The following SEC61A1 variants were observed in gnomAD, a reference collection of about 807,000 sequenced individuals.
SEC61A1 encodes SEC61 translocon subunit alpha 1.
A neutral mutation model predicts 55.2 loss-of-function variants in SEC61A1; 15 were observed. The ratio of observed to expected loss-of-function variants is 0.27; its 90% CI spans 0.18 to 0.42. SEC61A1 has a LOEUF of 0.42. SEC61A1 is among the 10% of genes least tolerant of loss of function. The probability of loss-of-function intolerance (pLI) is 1.00; values close to 1 mark genes in which losing one functional copy is unlikely to be tolerated. For synonymous variants in SEC61A1, 247 were observed against 234.0 expected (o/e 1.06, Z -0.51); for missense variants, 284 against 602.6 (o/e 0.47, Z 5.53).
chr3:128,062,956 A>G (rs1219917150), intron 7 of SEC61A1, among the ~76,000 whole-genome samples: 1 of 152,102 alleles, frequency 6.6e-6, no homozygotes, highest in African/African-American at 2.4e-5. Context: ...GATTTGGGCC[A>G]CCTCTCTAGG....
rs781583803 is a variant in SEC61A1, at chr3:128,056,728, G to A, written c.240G>A (p.Gly80=). ...CTCAAGGCACATTGATGGAGCTAGG[G>A]ATCTCTCCTATTGTCACGTCTGGCC... is the stretch of plus-strand genomic sequence containing the variant. The part of the protein sequence containing the change: ...ASNRGTLMEL[G]ISPIVTSGLI... Residue 80 remains glycine (G), a synonymous_variant, in exon 5 of 12, where the codon GGG becomes GGA. Transcript: ENST00000243253. 6.3e-7 allele frequency: 1 copy of A among 1,596,544 alleles called. No individual in the cohort carries two copies. Among genetic ancestry groups the A allele is most frequent in the Non-Finnish European group, 8.5e-7 (1 of 1,172,230 alleles).
chr3:128,064,956 G>A lies in SEC61A1; in HGVS notation c.696G>A (p.Glu232=), dbSNP rs377189874. 3 of 1,614,100 alleles carry A rather than the reference G, an allele frequency of 1.9e-6. No individual in the cohort carries two copies. The highest frequency in any genetic ancestry group is 2.2e-5 in the South Asian group (2 of 91,090). ...TRTDKVRALR[E]AFYRQNLPNL... ...CAGACAAGGTCCGAGCCCTTCGGGA[G>A]GCGTTCTACCGCCAGAATCTTCCCA... The change falls in exon 8 of 12, where the codon GAG becomes GAA. Residue 232 remains glutamate, a synonymous_variant. Coordinates refer to ENST00000243253, the MANE Select transcript of SEC61A1 (RefSeq NM_013336.4).
intron 8 of SEC61A1, chr3:128,065,373 T>G (rs191537712): frequency 1.8e-6 from 1 of 567,964 alleles, no homozygotes; most frequent in African/African-American, 1.9e-5. Context: ...TGCTCTCTTA[T>G]AGAAAGTTTG....
chr3:128,057,371 A>AGAGT lies in SEC61A1; in HGVS notation c.352+533_352+536dup, dbSNP rs1941787994. 3.9e-5 allele frequency among the ~76,000 whole-genome samples: 6 copies of AGAGT among 152,246 alleles called. No homozygotes were observed. The South Asian group carries it at 1.2e-3, about 32-fold the overall frequency. ...GGGGATGGGCTGGGCAAGGCAGGGG[A>AGAGT]GAGTGTCTGGAGTGCCCCTGAGGCC... On this transcript the variant is annotated intron_variant, in intron 5 of 11. Transcript: ENST00000243253.
At chr3:128,059,778 G>A (rs1470187494) in intron 5 of SEC61A1, among the ~76,000 whole-genome samples, 2 of 152,108 alleles carry the variant, frequency 1.3e-5, no homozygotes, top group African/African-American at 4.8e-5. Context: ...ATGCTGTCAG[G>A]AGTAGGTTCT....
intron 5 of SEC61A1, among the ~76,000 whole-genome samples, chr3:128,057,592 C>T (rs1941790330): frequency 9.2e-5 from 1 of 10,824 alleles, no homozygotes; most frequent in Non-Finnish European, 1.6e-4. Context: ...GGCGGTGGCT[C>T]ACGCCTGTAA....
chr3:128,068,291 G>T (rs1942044245), intron 11 of SEC61A1, among the ~76,000 whole-genome samples: 1 of 152,252 alleles, frequency 6.6e-6, no homozygotes, highest in Non-Finnish European at 1.5e-5. Context: ...TGGGTAAGGA[G>T]ATGGAAGCAT....
At position 128,066,971 on chromosome 3, in the gene SEC61A1, G is replaced by A; in HGVS notation, c.795G>A (p.Leu265=). Residue 265 remains leucine, a synonymous_variant, in exon 9 of 12, where the codon CTG becomes CTA. Coordinates refer to ENST00000243253, the MANE Select transcript of SEC61A1 (RefSeq NM_013336.4). ...VIYFQGFRVD[L]PIKSARYRGQ... The stretch of plus-strand genomic sequence containing the variant: ...CTTCTCAGGGCTTCCGAGTGGACCT[G>A]CCAATCAAGTCGGCCCGCTACCGTG... 1 of 1,614,176 alleles carries A rather than the reference G, an allele frequency of 6.2e-7. No homozygotes were observed. Among genetic ancestry groups the A allele is most frequent in the Non-Finnish European group, 8.5e-7 (1 of 1,180,034 alleles).
At chr3:128,052,727 T>TC in intron 1 of SEC61A1, 108 bp from the exon 2 acceptor site, 3 of 1,483,860 alleles carry the variant, frequency 2.0e-6, no homozygotes, top group Non-Finnish European at 1.9e-6. Flanking sequence ...TGCGGCCGGC[T>TC]CCCCTGGCCC....
chr3:128,055,866 G>A, intron 4 of SEC61A1, 115 bp downstream of exon 4: 1 of 841,434 alleles, frequency 1.2e-6, no homozygotes, highest in Non-Finnish European at 2.0e-6. Context: ...GGAAAATAGA[G>A]TGAAGAATGT....
rs1411129792 is a variant in SEC61A1 at position 128,070,471 on chromosome 3, C to G, written c.*809C>G. On this transcript the variant is annotated 3_prime_UTR_variant, in exon 12 of 12. Coordinates refer to ENST00000243253, the MANE Select transcript of SEC61A1 (RefSeq NM_013336.4). The stretch of plus-strand genomic sequence containing the variant: ...TTTGTCCAGATTCTGCCAGTCATCA[C>G]TGGACACGTCTCCTCGCAGCTGCCC... 1 of 152,248 alleles carries G rather than the reference C, an allele frequency of 6.6e-6. No individual in the cohort carries two copies. Among genetic ancestry groups the G allele is most frequent in the East Asian group, 1.9e-4 (1 of 5,198 alleles). The allele number at this position is 152,248 out of a possible 1,614,324, so 9.4% of individuals were successfully genotyped here.
intron 2 of SEC61A1, among the ~76,000 whole-genome samples, chr3:128,054,260 A>T (rs1941736782): frequency 6.6e-6 from 1 of 152,222 alleles, no homozygotes; most frequent in African/African-American, 2.4e-5. Flanking sequence ...TTTTGATGTT[A>T]AATTTGATTG....
chr3:128,060,712 G>T, intron 7 of SEC61A1, 51 bp downstream of exon 7: 1 of 1,569,068 alleles, frequency 6.4e-7, no homozygotes, highest in South Asian at 1.2e-5. Context: ...AAAAACAATT[G>T]AGCAATGCAA....
At chr3:128,053,328 T>G (rs1280974318) in intron 2 of SEC61A1, among the ~76,000 whole-genome samples, 1 of 152,218 alleles carries the variant, frequency 6.6e-6, no homozygotes, top group Admixed American at 6.5e-5. Context: ...GTCACTTTAG[T>G]ATTTACAAAT....
intron 6 of SEC61A1, 82 bp downstream of exon 6, chr3:128,060,293 T>TA: frequency 1.7e-6 from 2 of 1,146,118 alleles, no homozygotes; most frequent in South Asian, 2.6e-5. Flanking sequence ...CAAGCACACC[T>TA]AAAAGGAACT....
chr3:128,061,485 G>T (rs1250493928), intron 7 of SEC61A1, among the ~76,000 whole-genome samples: 1 of 152,216 alleles, frequency 6.6e-6, no homozygotes, highest in East Asian at 1.9e-4. Flanking sequence ...ATGCATATTT[G>T]AGAGTTTTCT....
intron 2 of SEC61A1, among the ~76,000 whole-genome samples, chr3:128,054,285 G>A (rs779271933): frequency 2.6e-5 from 4 of 152,192 alleles, no homozygotes; most frequent in Non-Finnish European, 5.9e-5. Context: ...CAGGAGAGAG[G>A]ACTTGGTGAT....
At position 128,069,685 on chromosome 3, in the gene SEC61A1, G is replaced by C. The variant is rs763169823; in HGVS notation, c.*23G>C. 2 of 1,609,788 alleles carry C rather than the reference G, an allele frequency of 1.2e-6. No homozygotes were observed. Among genetic ancestry groups the C allele is most frequent in the African/African-American group, 1.3e-5 (1 of 74,952 alleles). ...TGAGCCCGTCTCCCGGACAGGTTGA[G>C]GAAGCTGCTCCAGAAGCGCCTCGGA... On this transcript the variant is annotated 3_prime_UTR_variant, in exon 12 of 12. Transcript: ENST00000243253.
upstream of SEC61A1, chr3:128,051,922 C>T (rs548813601): frequency 8.5e-6 from 13 of 1,529,048 alleles, no homozygotes; most frequent in South Asian, 1.4e-4. Context: ...TAAGCCCCAC[C>T]AGCCCGCGCC....
Sources: allele counts gnomAD v4.1 joint callset (sites outside exome capture counted in the v4.1 genomes callset), GRCh38; gene constraint gnomAD v4.1.1; transcripts MANE v1.5; gene names NCBI Gene and HGNC (gene_info 2026-07-23, HGNC 2026-07-21).